Variants in SCN8A observed in about 807,000 individuals in gnomAD.
SCN8A encodes sodium channel protein type 8 subunit alpha.
SCN8A carries 30 observed loss-of-function variants against 184.1 expected under a neutral mutation model. The observed-to-expected ratio is 0.16, with a 90% CI of 0.12 to 0.22. The LOEUF (loss-of-function observed/expected upper bound fraction) is 0.22, where lower values mean the gene tolerates loss of function less well. Ranked by LOEUF, SCN8A falls within the 10% of genes least tolerant of loss-of-function variation. SCN8A has a pLI of 1.00. For synonymous variants in SCN8A, 852 were observed against 907.0 expected (o/e 0.94, Z 1.09); for missense variants, 1,057 against 2,498.9 (o/e 0.42, Z 12.30).
chr12:51,772,448 A>G (rs189749061), intron 19 of SCN8A, among the ~76,000 whole-genome samples: 327 of 151,870 alleles, frequency 2.2e-3, no homozygotes, highest in Middle Eastern at 6.8e-3. Flanking sequence ...TCCAAGAAGA[A>G]ACTAGAACGT....
At chr12:51,666,917 T>A (rs1280134250) in intron 2 of SCN8A, among the ~76,000 whole-genome samples, 1 of 152,218 alleles carries the variant, frequency 6.6e-6, no homozygotes, top group Non-Finnish European at 1.5e-5. Context: ...AGCTGGTCCC[T>A]GCAAACAATC....
intron 1 of SCN8A, among the ~76,000 whole-genome samples, chr12:51,647,937 A>G (rs1940626960): frequency 6.6e-6 from 1 of 152,192 alleles, no homozygotes; most frequent in Non-Finnish European, 1.5e-5. Flanking sequence ...CGCAGTCCTC[A>G]GAGTCTAGCT....
At chr12:51,596,297 A>C (rs1029555508) in intron 1 of SCN8A, among the ~76,000 whole-genome samples, 2 of 152,176 alleles carry the variant, frequency 1.3e-5, no homozygotes, top group Non-Finnish European at 2.9e-5. Context: ...AAAAACTTTC[A>C]AAATCCTTCT....
Position 51,695,363 on chromosome 12 carries a change from T to C in SCN8A, c.707-4207T>C, listed in dbSNP as rs184913328. On this transcript the variant is annotated intron_variant, in intron 6 of 26. Transcript: ENST00000627620. ...GTCTTTTTAGCTTCCTTGACTCATG[T>C]TTACACATTTCTTTAGCAATAACAT... Among the ~76,000 whole-genome samples the C allele has an allele frequency of 3.1e-3, 467 of 152,328 alleles. 4 individuals are homozygous for C. Among genetic ancestry groups the C allele is most frequent in the Non-Finnish European group, 2.7e-3 (183 of 68,034 alleles).
At chr12:51,741,824 C>T (rs1460302814) in intron 12 of SCN8A, among the ~76,000 whole-genome samples, 3 of 152,112 alleles carry the variant, frequency 2.0e-5, no homozygotes, top group Non-Finnish European at 4.4e-5. Context: ...CCAGCCTCAG[C>T]CCCCCAAGTA....
At chr12:51,731,953 A>G (rs901513298) in intron 12 of SCN8A, among the ~76,000 whole-genome samples, 2 of 152,176 alleles carry the variant, frequency 1.3e-5, no homozygotes, top group Non-Finnish European at 2.9e-5. Flanking sequence ...GGAGCTCCTT[A>G]TATATTCTGG....
intron 1 of SCN8A, among the ~76,000 whole-genome samples, chr12:51,648,657 C>T (rs1033490536): frequency 6.6e-6 from 1 of 152,172 alleles, no homozygotes; most frequent in Admixed American, 6.5e-5. Flanking sequence ...TCTCGTGAGA[C>T]TTATTCTCTA....
At chr12:51,804,110 C>T (rs1161700064) in intron 26 of SCN8A, among the ~76,000 whole-genome samples, 1 of 152,208 alleles carries the variant, frequency 6.6e-6, no homozygotes, top group Non-Finnish European at 1.5e-5. Flanking sequence ...GTTGTCATTT[C>T]CCAGACTTTT....
At chr12:51,805,393 G>A (rs992204107) in intron 26 of SCN8A, among the ~76,000 whole-genome samples, 2 of 151,828 alleles carry the variant, frequency 1.3e-5, no homozygotes, top group African/African-American at 4.8e-5. Context: ...AGACCAGCCC[G>A]GGCAACATAG....
chr12:51,686,412 T>C lies in SCN8A; in HGVS notation c.440T>C (p.Val147Ala). The change falls in exon 4 of 27, where the codon GTA becomes GCA. Residue 147 changes from valine (V) to alanine (A), a missense_variant. Around this residue, in one of 19 missense-constraint regions of SCN8A, gnomAD observed 66 missense variants for 276.4 expected, o/e 0.24. Transcript: ENST00000627620. ...IIMCTILTNCVFMTFSNPPDW... is the reference protein window; with the variant it reads ...IIMCTILTNCAFMTFSNPPDW... ...ATGTGCACTATTTTGACCAACTGTG[T>C]ATTCATGACTTTTAGTAACCCTCCT... The C allele has an allele frequency of 6.2e-7, 1 of 1,612,564 alleles. No homozygotes were observed. Among genetic ancestry groups the C allele is most frequent in the Non-Finnish European group, 8.5e-7 (1 of 1,178,746 alleles).
chr12:51,749,865 C>CAG (rs1316111721), intron 13 of SCN8A, among the ~76,000 whole-genome samples: 6 of 151,984 alleles, frequency 3.9e-5, no homozygotes, highest in Non-Finnish European at 8.8e-5. Context: ...CAGAATTGAA[C>CAG]AGAGAGAGAG....
chr12:51,692,103 G>A (rs972465978), intron 6 of SCN8A, among the ~76,000 whole-genome samples: 3 of 152,098 alleles, frequency 2.0e-5, no homozygotes, highest in African/African-American at 7.2e-5. Flanking sequence ...CAGTGGAATT[G>A]TTGTTCTCTT....
At chr12:51,615,539 T>C (rs1565860183) in intron 1 of SCN8A, among the ~76,000 whole-genome samples, 1 of 151,898 alleles carries the variant, frequency 6.6e-6, no homozygotes, top group Non-Finnish European at 1.5e-5. Flanking sequence ...GGCAGCAGGG[T>C]AAAACCCTGT....
At chr12:51,684,110 C>T in intron 2 of SCN8A, 64 bp from the exon 3 acceptor site, 1 of 838,620 alleles carries the variant, frequency 1.2e-6, no homozygotes, top group Non-Finnish European at 2.1e-6. Flanking sequence ...ACCTAGAAAT[C>T]ATTGTTTCAT....
intron 12 of SCN8A, among the ~76,000 whole-genome samples, chr12:51,740,243 G>T (rs1424877426): frequency 6.6e-6 from 1 of 152,228 alleles, no homozygotes; most frequent in African/African-American, 2.4e-5. Flanking sequence ...GCCAGTTTAT[G>T]GCCAGATTTT....
In SCN8A at chr12:51,769,265, G is replaced by A; in HGVS notation, c.3302G>A (p.Gly1101Asp). ...ACTGTACGGGTACCCATTGCTGTGG[G>A]CGAGTCTGACTTTGAGAACCTCAAC... is the stretch of plus-strand genomic sequence containing the variant. ...NLTVRVPIAV[G>D]ESDFENLNTE... Residue 1101 changes from glycine (G) to aspartate (D), a missense_variant, in exon 17 of 27, where the codon GGC (glycine) becomes GAC (aspartate). By Grantham distance (94) the Gly-to-Asp change is moderately conservative. This residue lies in a region of SCN8A where 178 missense variants were observed against 259.6 expected (regional missense o/e 0.69). Transcript: ENST00000627620. 6.2e-7 allele frequency: 1 copy of A among 1,611,444 alleles called. No homozygotes were observed. Among genetic ancestry groups the A allele is most frequent in the Non-Finnish European group, 8.5e-7 (1 of 1,177,722 alleles).
Position 51,721,739 on chromosome 12 carries a change from G to C in SCN8A, c.1829G>C (p.Arg610Pro). The C allele has an allele frequency of 2.5e-6, 4 of 1,604,114 alleles. No homozygotes were observed. Among genetic ancestry groups the C allele is most frequent in the Non-Finnish European group, 3.4e-6 (4 of 1,175,426 alleles). Reference sequence around the variant, plus strand: ...TTCATCCCCATCCGGGCCCGCGAGCGCCGGAGCAGCTACAGCGGCTACAGC... The same window carrying C: ...TTCATCCCCATCCGGGCCCGCGAGCCCCGGAGCAGCTACAGCGGCTACAGC... ...SLFIPIRARE[R>P]RSSYSGYSGY... Residue 610 changes from arginine to proline, a missense_variant, in exon 12 of 27, where the codon CGC becomes CCC. Arg to Pro is a moderately radical substitution (Grantham distance 103). Transcript: ENST00000627620.
At chr12:51,609,972 T>TA (rs556182647) in intron 1 of SCN8A, among the ~76,000 whole-genome samples, 15 of 150,090 alleles carry the variant, frequency 1.0e-4, no homozygotes, top group African/African-American at 2.4e-4. Context: ...TAAAGTATAA[T>TA]AAAAAAAATA....
chr12:51,606,566 T>C (rs1168794696), intron 1 of SCN8A, among the ~76,000 whole-genome samples: 3 of 152,210 alleles, frequency 2.0e-5, no homozygotes, highest in Non-Finnish European at 2.9e-5. Flanking sequence ...GCTTTGGCTA[T>C]GTGGGCTCTT....
Sources: allele counts gnomAD v4.1 joint callset (sites outside exome capture counted in the v4.1 genomes callset), GRCh38; gene constraint gnomAD v4.1.1; regional missense constraint gnomAD v4.1.1; transcripts MANE v1.5; gene names NCBI Gene and HGNC (gene_info 2026-07-23, HGNC 2026-07-21).